The following FYN variants were observed in gnomAD, a reference collection of about 807,000 sequenced individuals.
The protein encoded by FYN is tyrosine-protein kinase Fyn.
Under a neutral mutation model 70.2 loss-of-function variants are expected in FYN, and 10 were observed. The observed-to-expected ratio is 0.14, with a 90% CI of 0.09 to 0.24. The LOEUF (loss-of-function observed/expected upper bound fraction) is 0.24, where lower values mean the gene tolerates loss of function less well. Among genes scored for constraint, FYN ranks in the 10% least tolerant of loss-of-function variants. The pLI, the probability that FYN is intolerant of heterozygous loss-of-function variation, is 1.00. For synonymous variants in FYN, 236 were observed against 248.6 expected (o/e 0.95, Z 0.48); for missense variants, 319 against 673.1 (o/e 0.47, Z 5.82).
chr6:111,849,852 C>T (rs1562544571), intron 1 of FYN, among the ~76,000 whole-genome samples: 1 of 152,190 alleles, frequency 6.6e-6, no homozygotes, highest in East Asian at 1.9e-4. Context: ...TTTGCCCACA[C>T]CCCCATGCAG....
chr6:111,868,488 C>T (rs758522001), intron 1 of FYN, among the ~76,000 whole-genome samples: 3 of 152,042 alleles, frequency 2.0e-5, no homozygotes, highest in Admixed American at 6.6e-5. Flanking sequence ...TTTTGTATTT[C>T]CCAGGTAAGT....
intron 6 of FYN, among the ~76,000 whole-genome samples, chr6:111,705,275 A>C (rs969696861): frequency 5.3e-5 from 8 of 152,104 alleles, no homozygotes. Context: ...GCCCATGAGT[A>C]CTTACTTGTA....
intron 1 of FYN, among the ~76,000 whole-genome samples, chr6:111,855,909 C>G (rs1215700473): frequency 6.6e-6 from 1 of 152,168 alleles, no homozygotes; most frequent in Non-Finnish European, 1.5e-5. Context: ...ACTCAGTGTT[C>G]AAGATTTAAT....
chr6:111,669,418 G>A (rs1798159944), intron 13 of FYN, among the ~76,000 whole-genome samples: 1 of 114,770 alleles, frequency 8.7e-6, no homozygotes, highest in Admixed American at 1.3e-4. Flanking sequence ...CTGGCTGACA[G>A]AGCAAGATTC....
At chr6:111,830,772 T>A (rs9487729) in intron 2 of FYN, among the ~76,000 whole-genome samples, 52,710 of 151,894 alleles carry the variant, frequency 0.35, 13,384 homozygotes, top group African/African-American at 0.72. Context: ...TAACTGAGGA[T>A]ATAAGGGGAT....
At chr6:111,816,622 G>A (rs1294920451) in intron 2 of FYN, among the ~76,000 whole-genome samples, 1 of 152,144 alleles carries the variant, frequency 6.6e-6, no homozygotes, top group Non-Finnish European at 1.5e-5. Flanking sequence ...AAATTGCAGA[G>A]TATCATTTTT....
intron 1 of FYN, among the ~76,000 whole-genome samples, chr6:111,866,605 GT>G (rs1187980013): frequency 8.5e-5 from 13 of 152,328 alleles, no homozygotes; most frequent in African/African-American, 3.1e-4. Context: ...GCTTCCCAAA[GT>G]GCTGGGATTA....
intron 1 of FYN, among the ~76,000 whole-genome samples, chr6:111,848,640 T>C (rs577793490): frequency 1.3e-5 from 2 of 152,346 alleles, no homozygotes; most frequent in Admixed American, 1.3e-4. Flanking sequence ...CTGAGGACTC[T>C]AAGCAAGATA....
intron 3 of FYN, among the ~76,000 whole-genome samples, chr6:111,753,563 A>G (rs1229328596): frequency 1.3e-5 from 2 of 152,090 alleles, no homozygotes; most frequent in African/African-American, 4.8e-5. Flanking sequence ...ATATAAAAAT[A>G]TCTTGGTAGG....
chr6:111,856,284 T>G (rs768071384), intron 1 of FYN, among the ~76,000 whole-genome samples: 11 of 152,212 alleles, frequency 7.2e-5, no homozygotes, highest in South Asian at 2.1e-4. Flanking sequence ...AGAGCTATTT[T>G]CTGAATGAGA....
chr6:111,764,780 C>A (rs1282118230), intron 3 of FYN, among the ~76,000 whole-genome samples: 5 of 152,110 alleles, frequency 3.3e-5, no homozygotes, highest in African/African-American at 4.8e-5. Flanking sequence ...AGAAAAAAAA[C>A]CCCATGGACA....
intron 2 of FYN, among the ~76,000 whole-genome samples, chr6:111,826,290 C>T (rs1026806306): frequency 6.6e-6 from 1 of 152,110 alleles, no homozygotes; most frequent in Non-Finnish European, 1.5e-5. Flanking sequence ...GGTATGTTAG[C>T]ATCTGGGCCT....
chr6:111,871,690 C>A (rs926744850), intron 1 of FYN, among the ~76,000 whole-genome samples: 3 of 152,214 alleles, frequency 2.0e-5, no homozygotes, highest in Non-Finnish European at 4.4e-5. Context: ...ATTCTTGTGA[C>A]CCCCACACCA....
chr6:111,770,423 G>A (rs559082495), intron 3 of FYN, among the ~76,000 whole-genome samples: 4 of 152,118 alleles, frequency 2.6e-5, no homozygotes, highest in African/African-American at 9.7e-5. Flanking sequence ...GTTAAATGTG[G>A]CTGATGGTGG....
intron 7 of FYN, 144 bp downstream of exon 7, chr6:111,703,855 A>G: frequency 3.2e-6 from 2 of 634,080 alleles, no homozygotes; most frequent in South Asian, 2.0e-5. Context: ...CCTGGAGGGA[A>G]GACTGAAAAC....
At chr6:111,863,265 C>G (rs1032861929) in intron 1 of FYN, among the ~76,000 whole-genome samples, 1 of 152,184 alleles carries the variant, frequency 6.6e-6, no homozygotes, top group Admixed American at 6.5e-5. Flanking sequence ...TAACAGAAAT[C>G]AGCGCTTCTT....
chr6:111,669,959 G>A, intron 13 of FYN, among the ~76,000 whole-genome samples: 1 of 152,032 alleles, frequency 6.6e-6, no homozygotes, highest in African/African-American at 2.4e-5. Flanking sequence ...CATGGGGAAG[G>A]CTTTCCAAAG....
intron 1 of FYN, among the ~76,000 whole-genome samples, chr6:111,855,515 T>C (rs1404193662): frequency 1.3e-5 from 2 of 152,218 alleles, no homozygotes; most frequent in Non-Finnish European, 2.9e-5. Flanking sequence ...CTAATAGTTA[T>C]ATATACCCAA....
chr6:111,698,997 C>T (rs1412033074), intron 9 of FYN, among the ~76,000 whole-genome samples: 1 of 152,182 alleles, frequency 6.6e-6, no homozygotes, highest in East Asian at 1.9e-4. Flanking sequence ...GCAGGAGAAT[C>T]ACTCGAACCT....
Sources: allele counts gnomAD v4.1 joint callset (sites outside exome capture counted in the v4.1 genomes callset), GRCh38; gene constraint gnomAD v4.1.1; transcripts MANE v1.5; gene names NCBI Gene and HGNC (gene_info 2026-07-23, HGNC 2026-07-21).